The following ANO2 variants were observed in gnomAD, a reference collection of about 807,000 sequenced individuals.
ANO2 encodes anoctamin-2.
Under a neutral mutation model 124.2 loss-of-function variants are expected in ANO2, and 101 were observed. The ratio of observed to expected loss-of-function variants is 0.81; its 90% CI spans 0.69 to 0.96. The LOEUF is 0.96. Among genes scored for constraint, ANO2 ranks in the 40% least tolerant of loss-of-function variants. The pLI is 0.00. For missense variants in ANO2, 1,293 were observed against 1,274.5 expected, an observed-to-expected ratio of 1.01 and a Z score of -0.22; for synonymous variants, 486 against 482.5, an observed-to-expected ratio of 1.01 and a Z score of -0.09.
chr12:5,715,632 G>A (rs1949997036), intron 14 of ANO2, among the ~76,000 whole-genome samples: 1 of 152,178 alleles, frequency 6.6e-6, no homozygotes, highest in Admixed American at 6.5e-5. Flanking sequence ...GAGAGCTCTT[G>A]GACATGGATT....
At chr12:5,782,098 C>T (rs1286804052) in intron 10 of ANO2, among the ~76,000 whole-genome samples, 2 of 152,190 alleles carry the variant, frequency 1.3e-5, no homozygotes, top group African/African-American at 2.4e-5. Context: ...TTGTCAACTA[C>T]TGCTCCATCT....
chr12:5,686,415 A>G (rs1366293733), intron 14 of ANO2, among the ~76,000 whole-genome samples: 3 of 152,180 alleles, frequency 2.0e-5, no homozygotes, highest in Non-Finnish European at 4.4e-5. Flanking sequence ...AGCACATACT[A>G]TGTGCTGGGT....
At chr12:5,703,671 C>T (rs1475173028) in intron 14 of ANO2, among the ~76,000 whole-genome samples, 2 of 152,160 alleles carry the variant, frequency 1.3e-5, no homozygotes, top group Admixed American at 1.3e-4. Context: ...CTCAGCCTCC[C>T]GAGTAGCTGG....
At chr12:5,751,562 T>C (rs1346195145) in intron 10 of ANO2, among the ~76,000 whole-genome samples, 2 of 152,214 alleles carry the variant, frequency 1.3e-5, no homozygotes, top group African/African-American at 4.8e-5. Context: ...TATGTTGGCA[T>C]ACAAAGAGCT....
chr12:5,912,253 G>A (rs1301803974), intron 3 of ANO2, among the ~76,000 whole-genome samples: 2 of 152,186 alleles, frequency 1.3e-5, no homozygotes, highest in East Asian at 3.8e-4. Flanking sequence ...GCTCATCTCT[G>A]TGGCTGGGTG....
Position 5,729,989 on chromosome 12 carries a change from C to T in ANO2, c.1545+2531G>A, listed in dbSNP as rs766090730. On this transcript the variant is annotated intron_variant, in intron 14 of 24. Transcript: ENST00000682330. ...CAGAAAGTAGATTAGTTGTTACCCACGGCTTGGCAACTATTGGGTACAGGG... is the reference window on the plus strand; with the variant it reads ...CAGAAAGTAGATTAGTTGTTACCCATGGCTTGGCAACTATTGGGTACAGGG... Among the ~76,000 whole-genome samples the T allele has an allele frequency of 3.7e-4, 56 of 152,124 alleles. 1 individual carries two copies. Among genetic ancestry groups the T allele is most frequent in the South Asian group, 1.2e-3 (6 of 4,824 alleles).
chr12:5,648,372 A>C (rs1475547039), intron 14 of ANO2, among the ~76,000 whole-genome samples: 2 of 152,228 alleles, frequency 1.3e-5, no homozygotes, highest in African/African-American at 4.8e-5. Flanking sequence ...TACATGTAGT[A>C]TTATGTGCTC....
At chr12:5,610,154 ATACAAATTTATATTACT>A (rs1944427683) in intron 19 of ANO2, among the ~76,000 whole-genome samples, 1 of 131,020 alleles carries the variant, frequency 7.6e-6, no homozygotes, top group South Asian at 2.3e-4. Flanking sequence ...ATATTTATAT[ATACAAATTTATATTACT>A]TATATAAATA....
At chr12:5,924,471 G>A (rs1941983246) in intron 1 of ANO2, among the ~76,000 whole-genome samples, 1 of 152,178 alleles carries the variant, frequency 6.6e-6, no homozygotes, top group South Asian at 2.1e-4. Context: ...GCTTCTGAAA[G>A]GCCAGGAGGC....
intron 19 of ANO2, 98 bp from the exon 20 acceptor site, chr12:5,599,727 A>C: frequency 7.6e-7 from 1 of 1,320,200 alleles, no homozygotes; most frequent in Non-Finnish European, 1.0e-6. Context: ...TTTGACACTA[A>C]AGCCATCTCT....
At chr12:5,626,459 CCTCAGCCGCAGT>C (rs1257522446) in intron 16 of ANO2, among the ~76,000 whole-genome samples, 1 of 152,100 alleles carries the variant, frequency 6.6e-6, no homozygotes, top group Non-Finnish European at 1.5e-5. Context: ...GGAGGGGCCA[CCTCAGCCGCAGT>C]CCAGCCTCTC....
intron 16 of ANO2, among the ~76,000 whole-genome samples, chr12:5,631,768 G>A (rs1477271018): frequency 2.6e-5 from 4 of 152,136 alleles, no homozygotes; most frequent in Admixed American, 6.5e-5. Context: ...GGGAGGCTAG[G>A]GTGACCATGA....
chr12:5,856,786 T>A (rs564593507), intron 3 of ANO2, among the ~76,000 whole-genome samples: 1 of 152,340 alleles, frequency 6.6e-6, no homozygotes, highest in East Asian at 1.9e-4. Context: ...GAATTCTACC[T>A]TGTTTATCCA....
intron 10 of ANO2, among the ~76,000 whole-genome samples, chr12:5,762,385 A>G (rs971946135): frequency 4.6e-5 from 7 of 152,020 alleles, no homozygotes; most frequent in African/African-American, 1.4e-4. Flanking sequence ...GTATTTATAA[A>G]ATGTTACATA....
At chr12:5,666,704 C>T (rs1054915960) in intron 14 of ANO2, among the ~76,000 whole-genome samples, 1 of 152,190 alleles carries the variant, frequency 6.6e-6, no homozygotes, top group African/African-American at 2.4e-5. Flanking sequence ...CAGATGAAGA[C>T]TCTTTGGTGG....
chr12:5,630,240 A>G lies in ANO2; in HGVS notation c.1816+4912T>C, dbSNP rs373640927. 1.6e-4 allele frequency among the ~76,000 whole-genome samples: 24 copies of G among 152,230 alleles called. 3 individuals are homozygous for G. The highest frequency in any genetic ancestry group is 1.3e-3 in the Admixed American group (20 of 15,288). On this transcript the variant is annotated intron_variant, in intron 16 of 24. Transcript: ENST00000682330. ...TCAAGAGATCTGGGGCAGGAAGCCA[A>G]GCGGGTGTTAAACCCAGCGTGAGAA...
Position 5,739,337 on chromosome 12 carries a change from T to C in ANO2, c.1414A>G (p.Thr472Ala). Residue 472 changes from threonine (T) to alanine (A), a missense_variant, in exon 13 of 25, where the codon ACT (threonine) becomes GCT (alanine). Transcript: ENST00000682330. Reference sequence around the variant, plus strand: ...CTCACTTCTTCCTCTTCTATGCCAGTCAGGTCCCAAAAGTAGCCCAGTCGC... The same window carrying C: ...CTCACTTCTTCCTCTTCTATGCCAGCCAGGTCCCAAAAGTAGCCCAGTCGC... Reference protein sequence around the residue: ...QMRLGYFWDLTGIEEEEEHSR... With the variant: ...QMRLGYFWDLAGIEEEEEHSR... The C allele has an allele frequency of 6.2e-7, 1 of 1,605,996 alleles. No homozygotes were observed. Among genetic ancestry groups the C allele is most frequent in the Non-Finnish European group, 8.5e-7 (1 of 1,176,222 alleles).
intron 1 of ANO2, among the ~76,000 whole-genome samples, chr12:5,923,257 TACACACACACACACACACACAC>T (rs1941910909): frequency 6.7e-5 from 5 of 74,268 alleles, no homozygotes; most frequent in African/African-American, 4.0e-5. Flanking sequence ...TACACACACA[TACACACACACACACACACACAC>T]GCACACACAC....
At chr12:5,697,129 C>T (rs1227033415) in intron 14 of ANO2, among the ~76,000 whole-genome samples, 1 of 152,068 alleles carries the variant, frequency 6.6e-6, no homozygotes, top group Non-Finnish European at 1.5e-5. Flanking sequence ...GAAAAGGAAA[C>T]AAAATGTAAG....
Sources: gnomAD v4.1 joint callset for allele counts (sites outside exome capture counted in the v4.1 genomes callset) on GRCh38, gnomAD v4.1.1 for gene constraint, MANE v1.5 for transcripts, NCBI Gene and HGNC (gene_info 2026-07-23, HGNC 2026-07-21) for gene names.